ANKRD30A: variants seen among roughly 807,000 people sequenced by gnomAD.
ANKRD30A encodes the protein ankyrin repeat domain 30A, also known as ankyrin repeat domain-containing protein 30A.
Under a neutral mutation model 166.3 loss-of-function variants are expected in ANKRD30A, and 170 were observed. The observed-to-expected ratio is 1.02, with a 90% confidence interval of 0.90 to 1.16. ANKRD30A has a LOEUF of 1.16. Among genes scored for constraint, ANKRD30A ranks in the 50% most tolerant of loss-of-function variants. ANKRD30A has a pLI of 0.00. For missense variants in ANKRD30A, 1,630 were observed against 1,518.0 expected, an observed-to-expected ratio of 1.07 and a Z score of -1.23; for synonymous variants, 564 against 508.9, an observed-to-expected ratio of 1.11 and a Z score of -1.46.
intron 4 of ANKRD30A, among the ~76,000 whole-genome samples, chr10:37,132,987 G>T (rs180828179): frequency 1.3e-3 from 198 of 151,704 alleles, no homozygotes; most frequent in African/African-American, 4.2e-3. Flanking sequence ...GTAATAGAGC[G>T]AGATTCTGTC....
the ANKRD30A span, chr10:37,248,286 C>T: frequency 9.5e-6 from 5 of 525,982 alleles, no homozygotes; most frequent in Non-Finnish European, 1.9e-5. Flanking sequence ...AAGGCCCTGC[C>T]TTCCACTGTT....
intron 27 of ANKRD30A, among the ~76,000 whole-genome samples, chr10:37,196,327 C>G (rs1050437860): frequency 2.0e-5 from 3 of 151,878 alleles, no homozygotes; most frequent in African/African-American, 7.3e-5. Context: ...TTAGGTTTTT[C>G]TGTTACAATG....
chr10:37,248,131 T>A, the ANKRD30A span: 1 of 611,642 alleles, frequency 1.6e-6, no homozygotes, highest in Non-Finnish European at 3.2e-6. Flanking sequence ...TTCACCGCTA[T>A]GCCTCCTTTC....
chr10:37,140,149 G>T (rs1837002827), intron 6 of ANKRD30A, among the ~76,000 whole-genome samples: 1 of 152,092 alleles, frequency 6.6e-6, no homozygotes, highest in South Asian at 2.1e-4. Context: ...AATTCTTATT[G>T]CCTTCATGTT....
chr10:37,231,590 C>T lies in ANKRD30A; in HGVS notation c.*121C>T. On this transcript the variant is annotated 3_prime_UTR_variant, in exon 35 of 36. Coordinates refer to ENST00000361713, the MANE Select transcript of ANKRD30A (RefSeq NM_052997.3). The stretch of plus-strand genomic sequence containing the variant: ...TGAAAATCTTACCAATAGTCTGTGT[C>T]AACAGAATACTTATTTTAGAAGAAA... 1.5e-6 allele frequency: 1 copy of T among 660,954 alleles called. No homozygotes were observed. Among genetic ancestry groups the T allele is most frequent in the East Asian group, 3.1e-5 (1 of 32,196 alleles). 40.9% of individuals were successfully genotyped at this position (660,954 alleles called of 1,614,324 possible). A position where few individuals can be genotyped will look rare whatever the true frequency, so the allele number is the denominator to read the frequency against.
chr10:37,190,363 A>G (rs1840441731), intron 25 of ANKRD30A, among the ~76,000 whole-genome samples: 1 of 151,836 alleles, frequency 6.6e-6, no homozygotes, highest in Admixed American at 6.6e-5. Context: ...GCAACTGGAT[A>G]GAAGGTCAGG....
chr10:37,209,356 T>C (rs765170408), intron 31 of ANKRD30A, among the ~76,000 whole-genome samples: 2 of 152,136 alleles, frequency 1.3e-5, no homozygotes, highest in South Asian at 2.1e-4. Flanking sequence ...TGGGGAGGCC[T>C]GTGGAAGCTT....
At chr10:37,254,984 C>T in the ANKRD30A span, among the ~76,000 whole-genome samples, 1 of 152,040 alleles carries the variant, frequency 6.6e-6, no homozygotes, top group Non-Finnish European at 1.5e-5. Context: ...GCCCGGCCCT[C>T]TCCTTTTATT....
intron 34 of ANKRD30A, among the ~76,000 whole-genome samples, chr10:37,226,168 A>G (rs897895412): frequency 6.6e-6 from 1 of 151,440 alleles, no homozygotes. Context: ...CAGGTTTGTT[A>G]CATATGTATA....
At chr10:37,165,064 A>C (rs550528315) in intron 17 of ANKRD30A, 30 bp from the exon 18 acceptor site, 1 of 1,587,672 alleles carries the variant, frequency 6.3e-7, no homozygotes, top group East Asian at 2.2e-5. Context: ...AACTGTGCTC[A>C]TGAATGTATC....
At chr10:37,196,305 C>T (rs1291731792) in intron 27 of ANKRD30A, among the ~76,000 whole-genome samples, 1 of 151,818 alleles carries the variant, frequency 6.6e-6, no homozygotes, top group African/African-American at 2.4e-5. Context: ...TTGGGGGAAC[C>T]ACAGTGACAC....
intron 1 of ANKRD30A, among the ~76,000 whole-genome samples, chr10:37,127,674 C>T (rs980137589): frequency 1.3e-5 from 2 of 152,024 alleles, no homozygotes; most frequent in Admixed American, 6.6e-5. Flanking sequence ...CTGCAACTGA[C>T]CTATGCACAC....
At chr10:37,258,044 G>T in the ANKRD30A span, among the ~76,000 whole-genome samples, 1 of 152,272 alleles carries the variant, frequency 6.6e-6, no homozygotes, top group African/African-American at 2.4e-5. Context: ...ATGACAGGTT[G>T]ATAGGTGCAG....
Position 37,162,416 on chromosome 10 carries a change from A to G in ANKRD30A, c.1901-233A>G, listed in dbSNP as rs143219784. ...CAACCCTTTATACACATGAAACACA[A>G]TCTCGCTTTTGAAGTCTTAACTGCA... On this transcript the variant is annotated intron_variant, in intron 15 of 35. Transcript: ENST00000361713. 2.4e-3 allele frequency among the ~76,000 whole-genome samples: 363 copies of G among 152,310 alleles called. 1 individual carries two copies. Among genetic ancestry groups the G allele is most frequent in the African/African-American group, 8.1e-3 (337 of 41,552 alleles).
intron 34 of ANKRD30A, among the ~76,000 whole-genome samples, chr10:37,225,528 G>A (rs1318486976): frequency 1.3e-5 from 2 of 151,808 alleles, no homozygotes; most frequent in African/African-American, 4.8e-5. Flanking sequence ...AACACATGAA[G>A]TACTTTTTAA....
the ANKRD30A span, among the ~76,000 whole-genome samples, chr10:37,243,516 G>A: frequency 6.6e-6 from 1 of 151,974 alleles, no homozygotes. Flanking sequence ...TATGTCATTC[G>A]AGGGTCAATT....
the ANKRD30A span, among the ~76,000 whole-genome samples, chr10:37,258,962 CAAAAAAAAAAA>C: frequency 1.1e-4 from 5 of 45,558 alleles, no homozygotes; most frequent in Non-Finnish European, 2.2e-4. Context: ...GACTCCATCT[CAAAAAAAAAAA>C]AAAAAAAAAA....
chr10:37,182,952 C>T (rs1199262980), intron 24 of ANKRD30A, among the ~76,000 whole-genome samples: 3 of 151,234 alleles, frequency 2.0e-5, no homozygotes, highest in African/African-American at 7.3e-5. Flanking sequence ...CTGGAACTTC[C>T]TTGTTTGCTT....
chr10:37,242,821 C>T, the ANKRD30A span, among the ~76,000 whole-genome samples: 1 of 152,178 alleles, frequency 6.6e-6, no homozygotes, highest in Non-Finnish European at 1.5e-5. Flanking sequence ...ATACACCCAA[C>T]ACTTGAGCTC....
Sources: allele counts gnomAD v4.1 joint callset (sites outside exome capture counted in the v4.1 genomes callset), GRCh38; gene constraint gnomAD v4.1.1; transcripts MANE v1.5; gene names NCBI Gene and HGNC (gene_info 2026-07-23, HGNC 2026-07-21).